ETNK1: variants seen among roughly 807,000 people sequenced by gnomAD.
ETNK1 encodes the protein putative protein product of Nbla10396.
ETNK1 carries 8 observed loss-of-function variants against 45.1 expected under a neutral mutation model. That is an observed-to-expected ratio of 0.18 (90% CI 0.10 to 0.32). ETNK1 has a LOEUF of 0.32. ETNK1 is among the 10% of genes least tolerant of loss of function. The pLI is 1.00. For missense variants in ETNK1, 302 were observed against 430.6 expected, an observed-to-expected ratio of 0.70 and a Z score of 2.64; for synonymous variants, 152 against 151.9, an observed-to-expected ratio of 1.00 and a Z score of -0.01.
intron 1 of ETNK1, among the ~76,000 whole-genome samples, chr12:22,631,901 C>T (rs1236446227): frequency 1.3e-5 from 2 of 152,016 alleles, no homozygotes; most frequent in Admixed American, 1.3e-4. Flanking sequence ...TTTTAACATT[C>T]TTTTAAAAAT....
intron 1 of ETNK1, among the ~76,000 whole-genome samples, chr12:22,637,342 C>G (rs1279793346): frequency 2.0e-5 from 3 of 152,134 alleles, no homozygotes; most frequent in African/African-American, 7.2e-5. Flanking sequence ...GGGGTTGTTT[C>G]AAGTAAAAGG....
At chr12:22,642,102 C>G (rs1241956922) in intron 1 of ETNK1, among the ~76,000 whole-genome samples, 1 of 152,008 alleles carries the variant, frequency 6.6e-6, no homozygotes, top group African/African-American at 2.4e-5. Context: ...TATTAAGTAC[C>G]TACTGTTTGC....
At chr12:22,684,246 C>CT (rs1954239306) in intron 6 of ETNK1, among the ~76,000 whole-genome samples, 1 of 152,066 alleles carries the variant, frequency 6.6e-6, no homozygotes, top group African/African-American at 2.4e-5. Flanking sequence ...GAACTGGCCT[C>CT]TATTTTTCAA....
At chr12:22,655,559 A>G (rs1055926633) in intron 2 of ETNK1, among the ~76,000 whole-genome samples, 4 of 151,136 alleles carry the variant, frequency 2.6e-5, no homozygotes, top group East Asian at 3.9e-4. Context: ...CTGGTCTTGA[A>G]CTCCTGACCT....
At chr12:22,662,882 T>C (rs1041639480) in intron 4 of ETNK1, among the ~76,000 whole-genome samples, 10 of 152,224 alleles carry the variant, frequency 6.6e-5, no homozygotes, top group African/African-American at 2.4e-4. Context: ...GGTTGATAGA[T>C]ATAGCTGACT....
At position 22,690,518 on chromosome 12, in the gene ETNK1, T is replaced by C. The variant is rs548323016; in HGVS notation, c.*5564T>C. 1 of 152,700 alleles carries C rather than the reference T, an allele frequency of 6.5e-6. No homozygotes were observed. Among genetic ancestry groups the C allele is most frequent in the African/African-American group, 2.4e-5 (1 of 41,568 alleles). The allele number at this position is 152,700 out of a possible 1,614,324, so 9.5% of individuals were successfully genotyped here. A position where few individuals can be genotyped will look rare whatever the true frequency, so the allele number is the denominator to read the frequency against. On this transcript the variant is annotated 3_prime_UTR_variant, in exon 8 of 8. Transcript: ENST00000266517. ...AAACTTTTAATGAAGCTGTTTGTCT[T>C]TCAGTTCAAATATAAGTGATGTTTA...
Position 22,641,791 on chromosome 12 carries a change from A to G in ETNK1, c.157-1972A>G, listed in dbSNP as rs967614816. On this transcript the variant is annotated intron_variant, in intron 1 of 7. Coordinates refer to ENST00000266517, the MANE Select transcript of ETNK1 (RefSeq NM_018638.5). ...ATAAATGCGAGATTATATTATTCAC[A>G]TATCTTTTTATTCTAGCGGTTTCTT... Among the ~76,000 whole-genome samples, 12 of 152,292 alleles carry G rather than the reference A, an allele frequency of 7.9e-5. No homozygotes were observed. In the South Asian group the frequency reaches 2.3e-3, roughly 29 times the overall value.
At chr12:22,653,132 T>G (rs929802433) in intron 2 of ETNK1, among the ~76,000 whole-genome samples, 1 of 152,118 alleles carries the variant, frequency 6.6e-6, no homozygotes, top group African/African-American at 2.4e-5. Flanking sequence ...TTTCCTCATT[T>G]AAGGTTCTTG....
intron 1 of ETNK1, among the ~76,000 whole-genome samples, chr12:22,635,975 C>G (rs1286556902): frequency 6.6e-6 from 1 of 152,020 alleles, no homozygotes; most frequent in Non-Finnish European, 1.5e-5. Flanking sequence ...TCCAGGAATT[C>G]AAGATTAGTC....
chr12:22,654,642 G>T (rs1212055348), intron 2 of ETNK1, among the ~76,000 whole-genome samples: 1 of 152,088 alleles, frequency 6.6e-6, no homozygotes, highest in Non-Finnish European at 1.5e-5. Context: ...ACAGATCAAA[G>T]AATAAGACAG....
chr12:22,687,326 C>T lies in ETNK1; in HGVS notation c.*2372C>T, dbSNP rs1327602729. On this transcript the variant is annotated 3_prime_UTR_variant, in exon 8 of 8. Transcript: ENST00000266517. The stretch of plus-strand genomic sequence containing the variant: ...AAATCTCAAAGTGCTCTGAAATCAT[C>T]CCTCTAAAATCTGTCCTGTGGTGTG... The T allele has an allele frequency of 6.6e-6, 1 of 152,130 alleles. No homozygotes were observed. Among genetic ancestry groups the T allele is most frequent in the African/African-American group, 2.4e-5 (1 of 41,352 alleles). The allele number at this position is 152,130 out of a possible 1,614,324, so 9.4% of individuals were successfully genotyped here. A position where few individuals can be genotyped will look rare whatever the true frequency, so the allele number is the denominator to read the frequency against.
At chr12:22,676,704 A>T (rs1336870686) in intron 6 of ETNK1, among the ~76,000 whole-genome samples, 3 of 151,978 alleles carry the variant, frequency 2.0e-5, no homozygotes, top group Non-Finnish European at 2.9e-5. Context: ...CACCATTCTA[A>T]CTGGCGTGAA....
chr12:22,659,264 G>A lies in ETNK1; in HGVS notation c.557+110G>A. The stretch of plus-strand genomic sequence containing the variant: ...GTATAAAATCTGGTTTTCTTTCTTT[G>A]CATTGAAGTAAAGTAAGCATTGATT... On this transcript the variant is annotated intron_variant, in intron 3 of 7. Transcript: ENST00000266517. The A allele has an allele frequency of 2.8e-6, 3 of 1,090,602 alleles. No homozygotes were observed. In the South Asian group the frequency reaches 5.0e-5, roughly 18 times the overall value. 67.6% of individuals were successfully genotyped at this position (1,090,602 alleles called of 1,614,324 possible).
chr12:22,676,522 C>G (rs1250586720), intron 6 of ETNK1, among the ~76,000 whole-genome samples: 1 of 151,446 alleles, frequency 6.6e-6, no homozygotes, highest in Non-Finnish European at 1.5e-5. Flanking sequence ...GGGTATATAC[C>G]CAGTAATGGG....
At chr12:22,678,660 T>G (rs2137574804) in intron 6 of ETNK1, among the ~76,000 whole-genome samples, 1 of 152,320 alleles carries the variant, frequency 6.6e-6, no homozygotes, top group Non-Finnish European at 1.5e-5. Context: ...AAAAGTCTAG[T>G]CCAATTCGGA....
At chr12:22,676,412 T>A (rs2137572782) in intron 6 of ETNK1, among the ~76,000 whole-genome samples, 1 of 152,330 alleles carries the variant, frequency 6.6e-6, no homozygotes, top group Middle Eastern at 3.4e-3. Flanking sequence ...CTATCATTGA[T>A]GGGCATTTGG....
intron 5 of ETNK1, among the ~76,000 whole-genome samples, chr12:22,671,731 T>C (rs938959211): frequency 1.3e-5 from 2 of 150,544 alleles, no homozygotes; most frequent in Admixed American, 6.6e-5. Flanking sequence ...CCCAGCTACT[T>C]GGGAGGCTGA....
At chr12:22,683,062 G>T (rs1409432890) in intron 6 of ETNK1, among the ~76,000 whole-genome samples, 1 of 152,108 alleles carries the variant, frequency 6.6e-6, no homozygotes, top group Admixed American at 6.5e-5. Flanking sequence ...TTATATGCCA[G>T]CTATAGGTAC....
intron 3 of ETNK1, 139 bp from the exon 4 acceptor site, chr12:22,660,924 A>G (rs1953992978): frequency 1.5e-6 from 1 of 676,284 alleles, no homozygotes; most frequent in East Asian, 3.1e-5. Flanking sequence ...AACTTTTGAA[A>G]TAGAATAATT....
Sources: gnomAD v4.1 joint callset for allele counts (sites outside exome capture counted in the v4.1 genomes callset) on GRCh38, gnomAD v4.1.1 for gene constraint, MANE v1.5 for transcripts, NCBI Gene and HGNC (gene_info 2026-07-23, HGNC 2026-07-21) for gene names.